SAMD12: variants seen among roughly 807,000 people sequenced by gnomAD.
The protein encoded by SAMD12 is sterile alpha motif domain containing 12, also known as sterile alpha motif domain-containing protein 12.
A neutral mutation model predicts 15.0 loss-of-function variants in SAMD12; 9 were observed. That is an observed-to-expected ratio of 0.60 (90% CI 0.36 to 1.05). SAMD12 has a LOEUF of 1.05. SAMD12 is among the 50% of genes least tolerant of loss of function. The probability of loss-of-function intolerance (pLI) is 0.01; values close to 1 mark genes in which losing one functional copy is unlikely to be tolerated. For missense variants in SAMD12, 230 were observed against 234.2 expected, an observed-to-expected ratio of 0.98 and a Z score of 0.12; for synonymous variants, 86 against 90.1, an observed-to-expected ratio of 0.96 and a Z score of 0.25.
In SAMD12 at chr8:118,564,381, G is replaced by C. The variant is rs367543640; in HGVS notation, c.192+16334C>G. ...TAAACGGAAGCAGTGGCTAATTGCT[G>C]TCACTTACATACAATACAAAATGGG... On this transcript the variant is annotated intron_variant, in intron 2 of 3. Transcript: ENST00000314727. 4.6e-5 allele frequency among the ~76,000 whole-genome samples: 7 copies of C among 152,306 alleles called. No individual in the cohort carries two copies. The East Asian group carries it at 1.2e-3, about 25-fold the overall frequency.
chr8:118,215,016 A>G (rs2129836138), intron 4 of SAMD12, among the ~76,000 whole-genome samples: 1 of 152,344 alleles, frequency 6.6e-6, no homozygotes, highest in African/African-American at 2.4e-5. Flanking sequence ...AGCACTATTT[A>G]AAAATCTGAA....
intron 2 of SAMD12, among the ~76,000 whole-genome samples, chr8:118,529,069 T>C (rs1017323667): frequency 2.0e-5 from 3 of 152,192 alleles, no homozygotes; most frequent in Non-Finnish European, 4.4e-5. Context: ...CTCCATGAAG[T>C]TGTGGCCACA....
At chr8:118,165,902 G>A in the SAMD12 span, among the ~76,000 whole-genome samples, 1 of 151,808 alleles carries the variant, frequency 6.6e-6, no homozygotes, top group African/African-American at 2.4e-5. Flanking sequence ...ATTTGCCTTT[G>A]GATTTGTCCT....
At chr8:118,387,824 G>A (rs990228833) in intron 3 of SAMD12, among the ~76,000 whole-genome samples, 4 of 152,202 alleles carry the variant, frequency 2.6e-5, no homozygotes, top group African/African-American at 9.7e-5. Flanking sequence ...GGGCTTAAAT[G>A]CAAGCAGTGG....
chr8:118,163,523 C>T, the SAMD12 span, among the ~76,000 whole-genome samples: 1 of 152,236 alleles, frequency 6.6e-6, no homozygotes, highest in Non-Finnish European at 1.5e-5. Flanking sequence ...CCTGGGGGAG[C>T]GTTAGGACAT....
chr8:118,360,083 C>T (rs926154045), intron 4 of SAMD12, among the ~76,000 whole-genome samples: 5 of 152,138 alleles, frequency 3.3e-5, no homozygotes, highest in Non-Finnish European at 5.9e-5. Context: ...TTTGCTCCAC[C>T]TGGGCAGTGG....
At chr8:118,208,749 A>G (rs763999623) in intron 4 of SAMD12, among the ~76,000 whole-genome samples, 7 of 152,226 alleles carry the variant, frequency 4.6e-5, no homozygotes, top group Non-Finnish European at 7.3e-5. Flanking sequence ...TGGCTACCAT[A>G]TTTGACAGCG....
At chr8:118,261,390 T>C (rs1211450806) in intron 4 of SAMD12, among the ~76,000 whole-genome samples, 12 of 152,044 alleles carry the variant, frequency 7.9e-5, no homozygotes, top group Admixed American at 7.9e-4. Context: ...TCAGAAAACT[T>C]CTACCTCTGA....
chr8:118,493,572 C>A (rs534166199), intron 2 of SAMD12, among the ~76,000 whole-genome samples: 2 of 152,304 alleles, frequency 1.3e-5, no homozygotes, highest in South Asian at 2.1e-4. Context: ...AAGGACTTTG[C>A]AAATGTGATC....
At chr8:118,598,527 T>C (rs369506547) in intron 1 of SAMD12, among the ~76,000 whole-genome samples, 4 of 152,368 alleles carry the variant, frequency 2.6e-5, no homozygotes, top group African/African-American at 9.6e-5. Flanking sequence ...CAGTCTGTGA[T>C]ATTTTGTTAT....
intron 2 of SAMD12, among the ~76,000 whole-genome samples, chr8:118,448,953 T>A (rs1350571011): frequency 6.6e-6 from 1 of 152,202 alleles, no homozygotes; most frequent in Non-Finnish European, 1.5e-5. Flanking sequence ...ATATAATGTT[T>A]ACCGAAAGTG....
chr8:118,210,311 T>C (rs953148302), intron 4 of SAMD12, among the ~76,000 whole-genome samples: 2 of 152,140 alleles, frequency 1.3e-5, no homozygotes, highest in African/African-American at 4.8e-5. Flanking sequence ...CACAAAGAGG[T>C]TGGGTCACAC....
intron 1 of SAMD12, among the ~76,000 whole-genome samples, chr8:118,599,900 C>T (rs565599457): frequency 3.3e-5 from 5 of 152,140 alleles, no homozygotes; most frequent in Non-Finnish European, 5.9e-5. Context: ...ATAGAAGAAA[C>T]GACAGCCCAG....
intron 4 of SAMD12, among the ~76,000 whole-genome samples, chr8:118,257,955 T>A (rs1031952209): frequency 2.6e-5 from 4 of 152,128 alleles, no homozygotes; most frequent in Non-Finnish European, 5.9e-5. Context: ...CACTACAGGT[T>A]GCTTTATTCT....
chr8:118,340,511 G>A (rs1817304447), intron 4 of SAMD12, among the ~76,000 whole-genome samples: 1 of 152,134 alleles, frequency 6.6e-6, no homozygotes, highest in Admixed American at 6.5e-5. Flanking sequence ...GCTCATGCCT[G>A]TAATCCCAGC....
chr8:118,380,617 C>A (rs1389592002), intron 3 of SAMD12, among the ~76,000 whole-genome samples: 1 of 152,200 alleles, frequency 6.6e-6, no homozygotes, highest in African/African-American at 2.4e-5. Context: ...CATAGCACCA[C>A]CCACTACTCT....
chr8:118,274,006 T>G (rs938069479), intron 4 of SAMD12, among the ~76,000 whole-genome samples: 2 of 152,226 alleles, frequency 1.3e-5, no homozygotes, highest in African/African-American at 2.4e-5. Flanking sequence ...TAATCAATAT[T>G]AGTTAATGTT....
At chr8:118,361,330 G>A (rs919225244) in intron 4 of SAMD12, among the ~76,000 whole-genome samples, 4 of 152,070 alleles carry the variant, frequency 2.6e-5, no homozygotes, top group African/African-American at 9.7e-5. Flanking sequence ...ATAAAAGCAT[G>A]GATTCAGGAT....
In SAMD12 at chr8:118,370,880, C is replaced by T. The variant is rs555359440; in HGVS notation, c.433+8680G>A. 2.6e-5 allele frequency among the ~76,000 whole-genome samples: 4 copies of T among 152,186 alleles called. No individual in the cohort carries two copies. In the South Asian group the frequency reaches 8.3e-4, roughly 32 times the overall value. ...TGGGTTGATAGGTGCAGCAAACCAC[C>T]ATGGTACACGTTTACCTATGTAACA... is the stretch of plus-strand genomic sequence containing the variant. On this transcript the variant is annotated intron_variant, in intron 4 of 4. Transcript: ENST00000409003.
Sources: allele counts gnomAD v4.1 joint callset (sites outside exome capture counted in the v4.1 genomes callset), GRCh38; gene constraint gnomAD v4.1.1; transcripts MANE v1.5; gene names NCBI Gene and HGNC (gene_info 2026-07-23, HGNC 2026-07-21).